COL13A1: variants seen among roughly 807,000 people sequenced by gnomAD.
COL13A1 encodes collagen type XIII alpha 1 chain.
Under a neutral mutation model 130.9 loss-of-function variants are expected in COL13A1, and 89 were observed. The observed-to-expected ratio is 0.68, with a 90% confidence interval of 0.57 to 0.81. The LOEUF is 0.81. Ranked by LOEUF, COL13A1 falls within the 30% of genes least tolerant of loss-of-function variation. The pLI is 0.00. For missense variants in COL13A1, 879 were observed against 934.6 expected, an observed-to-expected ratio of 0.94 and a Z score of 0.78; for synonymous variants, 402 against 341.6, an observed-to-expected ratio of 1.18 and a Z score of -1.95.
Position 69,802,555 on chromosome 10 carries a change from G to T in COL13A1, c.132G>T (p.Ser44=). ...GCGCACGGCTGCCGAGTCCAGGGTCGTGCGGGCTGCTGACGCTGGCCCTCT... is the reference window on the plus strand; with the variant it reads ...GCGCACGGCTGCCGAGTCCAGGGTCTTGCGGGCTGCTGACGCTGGCCCTCT... ...ERGARLPSPG[S]CGLLTLALCS... is the part of the protein sequence containing the mutation. Residue 44 remains serine, a synonymous_variant, in exon 1 of 41, where the codon TCG becomes TCT. Coordinates refer to ENST00000645393, the MANE Select transcript of COL13A1 (RefSeq NM_001368882.1). The T allele has an allele frequency of 1.9e-6, 3 of 1,609,236 alleles. No homozygotes were observed. The highest frequency in any genetic ancestry group is 2.5e-6 in the Non-Finnish European group (3 of 1,177,982).
chr10:69,895,245 C>A (rs1336238434), intron 12 of COL13A1, among the ~76,000 whole-genome samples: 1 of 152,214 alleles, frequency 6.6e-6, no homozygotes, highest in African/African-American at 2.4e-5. Context: ...GAGGGTCAAC[C>A]TTTCGCCAGG....
chr10:69,922,671 C>T (rs746387706), intron 22 of COL13A1, 37 bp from the exon 23 acceptor site: 63 of 1,540,632 alleles, frequency 4.1e-5, no homozygotes, highest in Non-Finnish European at 4.9e-5. Flanking sequence ...AGACCTTCCT[C>T]CACACCAGGG....
At chr10:69,824,690 C>A (rs1048488558) in intron 2 of COL13A1, among the ~76,000 whole-genome samples, 19 of 152,116 alleles carry the variant, frequency 1.2e-4, no homozygotes, top group African/African-American at 4.3e-4. Flanking sequence ...GGGGAAGGGA[C>A]AGCAGCAAGG....
intron 1 of COL13A1, among the ~76,000 whole-genome samples, chr10:69,809,169 G>A (rs577150469): frequency 6.6e-6 from 1 of 152,304 alleles, no homozygotes; most frequent in African/African-American, 2.4e-5. Flanking sequence ...TGTGTGACCT[G>A]AGCCTCAGTA....
intron 38 of COL13A1, among the ~76,000 whole-genome samples, chr10:69,950,387 T>A (rs897153802): frequency 1.3e-5 from 2 of 152,162 alleles, no homozygotes; most frequent in Non-Finnish European, 2.9e-5. Context: ...ATTGCACAGG[T>A]TCTTAGAACA....
chr10:69,947,282 C>T (rs1475517527), intron 37 of COL13A1, 25 bp from the exon 38 acceptor site: 4 of 1,612,420 alleles, frequency 2.5e-6, no homozygotes, highest in Non-Finnish European at 3.4e-6. Flanking sequence ...CATTAACATG[C>T]CTTTCTTCCT....
intron 5 of COL13A1, among the ~76,000 whole-genome samples, chr10:69,875,961 T>G (rs559276434): frequency 2.0e-5 from 3 of 152,342 alleles, no homozygotes; most frequent in African/African-American, 4.8e-5. Flanking sequence ...CCCATGTCAT[T>G]CTCAGCTTTG....
At chr10:69,873,741 C>T (rs1043908125) in intron 4 of COL13A1, among the ~76,000 whole-genome samples, 5 of 152,238 alleles carry the variant, frequency 3.3e-5, no homozygotes, top group African/African-American at 1.2e-4. Flanking sequence ...GAGCCAATTT[C>T]GGATCCACGG....
chr10:69,904,150 C>A (rs1010845864), intron 15 of COL13A1, among the ~76,000 whole-genome samples: 7 of 152,080 alleles, frequency 4.6e-5, no homozygotes, highest in African/African-American at 1.4e-4. Flanking sequence ...GAAACGGAAC[C>A]AAACTAAGGC....
chr10:69,821,511 A>C (rs1846072066), intron 1 of COL13A1, among the ~76,000 whole-genome samples: 1 of 152,234 alleles, frequency 6.6e-6, no homozygotes. Flanking sequence ...TCTATGCATT[A>C]ATCTTTCTAA....
At chr10:69,939,099 G>A (rs1186927403) in intron 34 of COL13A1, among the ~76,000 whole-genome samples, 1 of 152,168 alleles carries the variant, frequency 6.6e-6, no homozygotes, top group Non-Finnish European at 1.5e-5. Context: ...TAGAGGCATG[G>A]GTACAGAGAA....
At chr10:69,918,481 C>G (rs936890737) in intron 19 of COL13A1, among the ~76,000 whole-genome samples, 164 bp downstream of exon 19, 1 of 152,228 alleles carries the variant, frequency 6.6e-6, no homozygotes, top group Non-Finnish European at 1.5e-5. Context: ...AGGTGCATAA[C>G]CTTGAGCCAC....
rs386446708 is a variant in COL13A1, at chr10:69,887,792, C to T, written c.549+301C>T. Among the ~76,000 whole-genome samples, 155 of 152,294 alleles carry T rather than the reference C, an allele frequency of 1.0e-3. 1 individual carries two copies. Among genetic ancestry groups the T allele is most frequent in the Admixed American group, 1.9e-3 (29 of 15,306 alleles). ...CATTGACCTGGGAATATAGAATGGA[C>T]GATGCCCTGTGGGAGAACACCCTGC... On this transcript the variant is annotated intron_variant, in intron 8 of 40. Coordinates refer to ENST00000645393, the MANE Select transcript of COL13A1 (RefSeq NM_001368882.1).
chr10:69,928,471 G>A (rs912955408), intron 27 of COL13A1, among the ~76,000 whole-genome samples: 3 of 152,196 alleles, frequency 2.0e-5, no homozygotes, highest in Non-Finnish European at 4.4e-5. Context: ...TCTGTGCCTG[G>A]ATGCTTCTGC....
intron 1 of COL13A1, among the ~76,000 whole-genome samples, chr10:69,818,251 C>T (rs1212796312): frequency 6.6e-6 from 1 of 152,208 alleles, no homozygotes; most frequent in Non-Finnish European, 1.5e-5. Context: ...GTTCCTTCTT[C>T]CTCCCACATC....
chr10:69,832,404 C>T (rs60212661), intron 2 of COL13A1, among the ~76,000 whole-genome samples: 51 of 152,316 alleles, frequency 3.3e-4, no homozygotes, highest in African/African-American at 1.2e-3. Flanking sequence ...TTTTCACTTG[C>T]TCATCTCTTA....
At chr10:69,920,697 T>C (rs1045390660) in intron 21 of COL13A1, among the ~76,000 whole-genome samples, 1 of 152,252 alleles carries the variant, frequency 6.6e-6, no homozygotes, top group Admixed American at 6.5e-5. Flanking sequence ...ACTGGCACCC[T>C]GATCTCAGAC....
chr10:69,878,150 C>G (rs556399596), intron 6 of COL13A1, 85 bp downstream of exon 6: 6 of 689,194 alleles, frequency 8.7e-6, no homozygotes, highest in Admixed American at 2.0e-5. Context: ...GCCCTCCCCC[C>G]CATGAAAGCC....
intron 38 of COL13A1, 96 bp from the exon 39 acceptor site, chr10:69,952,786 T>G: frequency 1.1e-6 from 1 of 902,788 alleles, no homozygotes; most frequent in Non-Finnish European, 1.7e-6. Context: ...CTTTTTCCCT[T>G]TTTAATTTTA....
Sources: gnomAD v4.1 joint callset for allele counts (sites outside exome capture counted in the v4.1 genomes callset) on GRCh38, gnomAD v4.1.1 for gene constraint, MANE v1.5 for transcripts, NCBI Gene and HGNC (gene_info 2026-07-23, HGNC 2026-07-21) for gene names.